Variants in XPNPEP1 observed in about 807,000 individuals in gnomAD.
XPNPEP1 encodes X-prolyl aminopeptidase 1.
XPNPEP1 carries 39 observed loss-of-function variants against 92.4 expected under a neutral mutation model. That is an observed-to-expected ratio of 0.42 (90% CI 0.33 to 0.55). The LOEUF (loss-of-function observed/expected upper bound fraction) is 0.55. Among genes scored for constraint, XPNPEP1 ranks in the 20% least tolerant of loss-of-function variants. The pLI, the probability that XPNPEP1 is intolerant of heterozygous loss-of-function variation, is 0.08. For synonymous variants in XPNPEP1, 307 were observed against 299.4 expected (o/e 1.03, Z -0.26); for missense variants, 654 against 856.1 (o/e 0.76, Z 2.95).
At position 109,886,352 on chromosome 10, in the gene XPNPEP1, C is replaced by T; in HGVS notation, c.653-11G>A. ...CCTTCCAGGAGATGCCTGCAAGAAACAAATGTGCTTTAACTCCAGCCCTGG... is the reference window on the plus strand; with the variant it reads ...CCTTCCAGGAGATGCCTGCAAGAAATAAATGTGCTTTAACTCCAGCCCTGG... On this transcript the variant is annotated splice_polypyrimidine_tract_variant and intron_variant, in intron 7 of 20. Transcript: ENST00000502935. 6.2e-7 allele frequency: 1 copy of T among 1,613,426 alleles called. No homozygotes were observed. The highest frequency in any genetic ancestry group is 8.5e-7 in the Non-Finnish European group (1 of 1,179,588).
At chr10:109,916,552 G>A (rs1009685540) in intron 1 of XPNPEP1, among the ~76,000 whole-genome samples, 6 of 152,184 alleles carry the variant, frequency 3.9e-5, no homozygotes, top group South Asian at 2.1e-4. Context: ...TCTACCACAC[G>A]GTAAGAACCA....
chr10:109,888,249 G>C, intron 6 of XPNPEP1, 57 bp from the exon 7 acceptor site: 1 of 1,577,428 alleles, frequency 6.3e-7, no homozygotes, highest in South Asian at 1.2e-5. Context: ...AGCAGGGCAG[G>C]GAGCAGGGCC....
Position 109,884,070 on chromosome 10 carries a change from A to T in XPNPEP1, c.827T>A (p.Ile276Asn). The change falls in exon 9 of 21, where the codon ATC (isoleucine) becomes AAC (asparagine). Residue 276 changes from isoleucine (I) to asparagine (N), a missense_variant. Physicochemically the swap from Ile to Asn is moderately radical, Grantham distance 149. Coordinates refer to ENST00000502935, the MANE Select transcript of XPNPEP1 (RefSeq NM_020383.4). The stretch of plus-strand genomic sequence containing the variant: ...CAGATGCAGGGCAAACACTCACATG[A>T]TCGTCTCTAGTCCTATGATTGCGTA... ...FSYAIIGLET[I>N]MLFIDGDRID... 1 of 1,613,288 alleles carries T rather than the reference A, an allele frequency of 6.2e-7. No homozygotes were observed. Among genetic ancestry groups the T allele is most frequent in the Non-Finnish European group, 8.5e-7 (1 of 1,179,634 alleles).
At chr10:109,877,191 C>T (rs913622777) in intron 14 of XPNPEP1, 1 of 153,046 alleles carries the variant, frequency 6.5e-6, no homozygotes, top group Non-Finnish European at 1.5e-5. Context: ...GGGCCAAGCA[C>T]AGTGGCTCAC....
At position 109,877,805 on chromosome 10, in the gene XPNPEP1, G is replaced by A. The variant is rs776291009; in HGVS notation, c.1304C>T (p.Ala435Val). 6.2e-7 allele frequency: 1 copy of A among 1,614,222 alleles called. No individual in the cohort carries two copies. Among genetic ancestry groups the A allele is most frequent in the Admixed American group, 1.7e-5 (1 of 60,034 alleles). The change falls in exon 14 of 21, where the codon GCC (alanine) becomes GTC (valine). Residue 435 changes from alanine to valine, a missense_variant. Ala to Val is a moderately conservative substitution (Grantham distance 64, BLOSUM62 0). Transcript: ENST00000502935. ...PTISSTGPNG[A>V]IIHYAPVPET... Reference sequence around the variant, plus strand: ...CATGCCTTACGCGTAGTGAATGATGGCGCCGTTGGGTCCCGTACTGGAAAT... The same window carrying A: ...CATGCCTTACGCGTAGTGAATGATGACGCCGTTGGGTCCCGTACTGGAAAT...
chr10:109,884,303 T>C, intron 8 of XPNPEP1, 155 bp from the exon 9 acceptor site: 1 of 668,432 alleles, frequency 1.5e-6, no homozygotes, highest in Non-Finnish European at 2.5e-6. Flanking sequence ...TCCCGTCTGG[T>C]TCCACCTCTG....
At chr10:109,887,619 A>G (rs1456604582) in intron 7 of XPNPEP1, among the ~76,000 whole-genome samples, 1 of 152,006 alleles carries the variant, frequency 6.6e-6, no homozygotes, top group East Asian at 1.9e-4. Context: ...ACACACCCAC[A>G]CCCCAAAGCC....
chr10:109,868,843 A>AC, intron 19 of XPNPEP1, 131 bp from the exon 20 acceptor site: 3 of 754,044 alleles, frequency 4.0e-6, no homozygotes, highest in Non-Finnish European at 6.6e-6. Context: ...TGAGCTGGTC[A>AC]CCACTTTTCA....
At chr10:109,884,430 A>C in intron 8 of XPNPEP1, 1 of 355,348 alleles carries the variant, frequency 2.8e-6, no homozygotes. Context: ...AACTGCCCCC[A>C]CAAGGAGTTG....
chr10:109,882,533 T>A lies in XPNPEP1; in HGVS notation c.940A>T (p.Ile314Phe). 6.2e-7 allele frequency: 1 copy of A among 1,614,212 alleles called. No individual in the cohort carries two copies. The highest frequency in any genetic ancestry group is 8.5e-7 in the Non-Finnish European group (1 of 1,180,026). Residue 314 changes from isoleucine (I) to phenylalanine (F), a missense_variant, in exon 10 of 21, where the codon ATC becomes TTC. Transcript: ENST00000502935. Reference sequence around the variant, plus strand: ...CACAGGGCCTTGAGCTCGCTCAGGATGGACTTGTAGGGATGCACCTGGATC... The same window carrying A: ...CACAGGGCCTTGAGCTCGCTCAGGAAGGACTTGTAGGGATGCACCTGGATC... ...YRIQVHPYKS[I>F]LSELKALCAD...
intron 16 of XPNPEP1, among the ~76,000 whole-genome samples, chr10:109,872,462 G>C (rs1296652960): frequency 6.6e-6 from 1 of 152,234 alleles, no homozygotes; most frequent in East Asian, 1.9e-4. Context: ...GTAAGGTGCA[G>C]AGTCAGGACT....
intron 10 of XPNPEP1, 61 bp from the exon 11 acceptor site, chr10:109,880,992 C>T: frequency 1.3e-6 from 2 of 1,508,198 alleles, no homozygotes; most frequent in Non-Finnish European, 1.8e-6. Flanking sequence ...AAGACCAAGG[C>T]AACAACCTTT....
intron 3 of XPNPEP1, among the ~76,000 whole-genome samples, chr10:109,897,782 T>C (rs1383899907): frequency 6.6e-6 from 1 of 152,008 alleles, no homozygotes; most frequent in Admixed American, 6.6e-5. Context: ...GTCTCCCAAG[T>C]AGCTGGGATT....
At chr10:109,902,799 T>A (rs1287284723) in intron 3 of XPNPEP1, among the ~76,000 whole-genome samples, 1 of 152,214 alleles carries the variant, frequency 6.6e-6, no homozygotes, top group Admixed American at 6.5e-5. Context: ...AACACATCTG[T>A]CTCAGATTAG....
intron 1 of XPNPEP1, among the ~76,000 whole-genome samples, chr10:109,917,511 A>T (rs778646103): frequency 6.6e-6 from 1 of 152,228 alleles, no homozygotes; most frequent in Non-Finnish European, 1.5e-5. Context: ...TTCCATGGTC[A>T]TGGATTGGAA....
chr10:109,875,318 T>G (rs1473907896), intron 15 of XPNPEP1, among the ~76,000 whole-genome samples: 1 of 152,204 alleles, frequency 6.6e-6, no homozygotes, highest in Non-Finnish European at 1.5e-5. Context: ...ACTGTAACAT[T>G]TCTATCAAAC....
intron 17 of XPNPEP1, 35 bp from the exon 18 acceptor site, chr10:109,870,939 T>C (rs1847430619): frequency 1.2e-6 from 2 of 1,602,962 alleles, no homozygotes; most frequent in Non-Finnish European, 1.7e-6. Flanking sequence ...ATTGTATTTG[T>C]ACAGCGCTTT....
chr10:109,919,979 C>T (rs923415829), intron 1 of XPNPEP1, among the ~76,000 whole-genome samples: 1 of 151,938 alleles, frequency 6.6e-6, no homozygotes, highest in African/African-American at 2.4e-5. Flanking sequence ...CTGCAGTGAG[C>T]CAAGATCGTG....
chr10:109,887,918 G>A, intron 7 of XPNPEP1, 131 bp downstream of exon 7: 1 of 1,278,410 alleles, frequency 7.8e-7, no homozygotes, highest in Non-Finnish European at 1.0e-6. Flanking sequence ...ATATCCCACT[G>A]GGGCAGAGTA....
Sources: gnomAD v4.1 joint callset for allele counts (sites outside exome capture counted in the v4.1 genomes callset) on GRCh38, gnomAD v4.1.1 for gene constraint, MANE v1.5 for transcripts, NCBI Gene and HGNC (gene_info 2026-07-23, HGNC 2026-07-21) for gene names.